The following SHROOM3 variants were observed in gnomAD, a reference collection of about 807,000 sequenced individuals.
The protein encoded by SHROOM3 is shroom family member 3.
Under a neutral mutation model 138.6 loss-of-function variants are expected in SHROOM3, and 47 were observed. The observed-to-expected ratio is 0.34, with a 90% CI of 0.27 to 0.43. The LOEUF (loss-of-function observed/expected upper bound fraction) is 0.43. Among genes scored for constraint, SHROOM3 ranks in the 20% least tolerant of loss-of-function variants. The probability of loss-of-function intolerance (pLI) is 1.00; values close to 1 mark genes in which losing one functional copy is unlikely to be tolerated. For synonymous variants in SHROOM3, 1,062 were observed against 1,063.3 expected (o/e 1.00, Z 0.02); for missense variants, 2,491 against 2,596.5 (o/e 0.96, Z 0.88).
At chr4:76,649,938 G>T (rs1488416886) in intron 2 of SHROOM3, among the ~76,000 whole-genome samples, 1 of 152,196 alleles carries the variant, frequency 6.6e-6, no homozygotes, top group African/African-American at 2.4e-5. Flanking sequence ...TCTGGTGGCT[G>T]TAAAGTCCAA....
intron 2 of SHROOM3, among the ~76,000 whole-genome samples, chr4:76,678,251 C>G (rs1466274808): frequency 6.6e-6 from 1 of 151,940 alleles, no homozygotes; most frequent in Non-Finnish European, 1.5e-5. Context: ...TTAAGGTTTA[C>G]AAGTAAAGAT....
intron 2 of SHROOM3, chr4:76,688,922 T>C (rs112582674): frequency 4.2e-5 from 41 of 983,748 alleles, no homozygotes; most frequent in Non-Finnish European, 4.9e-5. Flanking sequence ...GAAGAGGGCA[T>C]GCTGAGAAAA....
intron 2 of SHROOM3, among the ~76,000 whole-genome samples, chr4:76,658,064 G>A (rs1391055978): frequency 6.6e-6 from 1 of 152,230 alleles, no homozygotes; most frequent in East Asian, 1.9e-4. Flanking sequence ...AGCAATACCT[G>A]CTTTGTAGTT....
intron 10 of SHROOM3, among the ~76,000 whole-genome samples, chr4:76,773,906 C>T (rs1441322578): frequency 6.6e-6 from 1 of 152,146 alleles, no homozygotes; most frequent in Admixed American, 6.5e-5. Flanking sequence ...ATACACTAGA[C>T]TTTAGACTTC....
At position 76,755,066 on chromosome 4, in the gene SHROOM3, C is replaced by T; in HGVS notation, c.4583C>T (p.Pro1528Leu). 1.3e-6 allele frequency: 2 copies of T among 1,598,564 alleles called. No individual in the cohort carries two copies. Among genetic ancestry groups the T allele is most frequent in the Non-Finnish European group, 1.7e-6 (2 of 1,170,188 alleles). Residue 1528 changes from proline to leucine, a missense_variant, in exon 7 of 11, where the codon CCA becomes CTA. Physicochemically the swap from Pro to Leu is moderately conservative, Grantham distance 98. Around this residue, in one of 4 missense-constraint regions of SHROOM3, gnomAD observed 470 missense variants for 595.0 expected, o/e 0.79. Transcript: ENST00000296043. ...TSSPTFEPLP[P>L]PPPPPPSQET... ...AGCCCCACATTTGAACCTCTTCCCCCACCCCCACCTCCTCCACCGAGTCAG... is the reference window on the plus strand; with the variant it reads ...AGCCCCACATTTGAACCTCTTCCCCTACCCCCACCTCCTCCACCGAGTCAG...
intron 2 of SHROOM3, among the ~76,000 whole-genome samples, chr4:76,617,628 A>C (rs1734911066): frequency 6.6e-6 from 1 of 152,326 alleles, no homozygotes; most frequent in South Asian, 2.1e-4. Context: ...ACAGAAATGT[A>C]ATTTAATCAT....
chr4:76,769,275 A>G (rs1722269770), intron 9 of SHROOM3, among the ~76,000 whole-genome samples: 1 of 151,616 alleles, frequency 6.6e-6, no homozygotes, highest in African/African-American at 2.4e-5. Flanking sequence ...CCAATTATAT[A>G]TATAGTATGC....
intron 1 of SHROOM3, among the ~76,000 whole-genome samples, chr4:76,460,173 A>C (rs1349552847): frequency 6.6e-6 from 1 of 152,224 alleles, no homozygotes; most frequent in African/African-American, 2.4e-5. Context: ...TGAGGGCTAC[A>C]TAAGTTTAAA....
chr4:76,773,655 G>T (rs561176475), intron 10 of SHROOM3, among the ~76,000 whole-genome samples: 1 of 152,272 alleles, frequency 6.6e-6, no homozygotes, highest in African/African-American at 2.4e-5. Context: ...GTAAAAGAAT[G>T]CAACTGCCAC....
At chr4:76,456,852 G>A (rs1731037223) in intron 1 of SHROOM3, among the ~76,000 whole-genome samples, 1 of 152,180 alleles carries the variant, frequency 6.6e-6, no homozygotes. Context: ...ATAGGTTTTG[G>A]GATAGGCGGT....
chr4:76,776,096 A>G (rs751905119), intron 10 of SHROOM3, among the ~76,000 whole-genome samples: 1 of 152,064 alleles, frequency 6.6e-6, no homozygotes, highest in Non-Finnish European at 1.5e-5. Context: ...CCCACCAGCA[A>G]TGTAAAAGTG....
At chr4:76,619,308 C>A (rs1160670811) in intron 2 of SHROOM3, among the ~76,000 whole-genome samples, 1 of 152,094 alleles carries the variant, frequency 6.6e-6, no homozygotes, top group South Asian at 2.1e-4. Context: ...ATTTACTCTG[C>A]TGGATTCTCT....
In SHROOM3 at chr4:76,555,770, G is replaced by T. The variant is rs765194612; in HGVS notation, c.323+7G>T. ...TCAGGCTGGTAGTGCGCAGGTAGGT[G>T]GCAGACCCCCACCCTGTCCCTCCTA... On this transcript the variant is annotated splice_region_variant and intron_variant, in intron 2 of 10. Coordinates refer to ENST00000296043, the MANE Select transcript of SHROOM3 (RefSeq NM_020859.4). 1 of 1,611,394 alleles carries T rather than the reference G, an allele frequency of 6.2e-7. No individual in the cohort carries two copies. Among genetic ancestry groups the T allele is most frequent in the South Asian group, 1.1e-5 (1 of 91,020 alleles).
At chr4:76,630,881 T>C (rs1486127820) in intron 2 of SHROOM3, among the ~76,000 whole-genome samples, 19 of 152,226 alleles carry the variant, frequency 1.2e-4, no homozygotes, top group Admixed American at 1.2e-3. Context: ...GTGAATTATG[T>C]GGATGGGCTA....
intron 3 of SHROOM3, among the ~76,000 whole-genome samples, chr4:76,714,449 A>G (rs1314179516): frequency 2.0e-5 from 3 of 152,174 alleles, no homozygotes. Flanking sequence ...ATACCACAGA[A>G]GTGATGTTGT....
At chr4:76,586,493 T>A in intron 2 of SHROOM3, 1 of 981,524 alleles carries the variant, frequency 1.0e-6, no homozygotes, top group East Asian at 1.1e-4. Flanking sequence ...AAACCAACGA[T>A]TTCTCGATGA....
At chr4:76,477,576 G>T (rs1463142670) in intron 1 of SHROOM3, among the ~76,000 whole-genome samples, 1 of 152,110 alleles carries the variant, frequency 6.6e-6, no homozygotes, top group African/African-American at 2.4e-5. Context: ...GGTGGTATAT[G>T]TGTGTGCATA....
chr4:76,495,265 G>A (rs1731940311), intron 1 of SHROOM3, among the ~76,000 whole-genome samples: 1 of 152,220 alleles, frequency 6.6e-6, no homozygotes, highest in Admixed American at 6.5e-5. Context: ...CCAGCTGTAA[G>A]CTGTTGTATT....
intron 3 of SHROOM3, among the ~76,000 whole-genome samples, chr4:76,711,955 CAA>C (rs1720241747): frequency 1.3e-5 from 2 of 152,120 alleles, no homozygotes; most frequent in South Asian, 2.1e-4. Flanking sequence ...ACCTCTGACT[CAA>C]GAGATCCAGC....
Sources: allele counts gnomAD v4.1 joint callset (sites outside exome capture counted in the v4.1 genomes callset), GRCh38; gene constraint gnomAD v4.1.1; regional missense constraint gnomAD v4.1.1; transcripts MANE v1.5; gene names NCBI Gene and HGNC (gene_info 2026-07-23, HGNC 2026-07-21).